HCN1: variants seen among roughly 807,000 people sequenced by gnomAD.
The protein encoded by HCN1 is hyperpolarization activated cyclic nucleotide gated potassium channel 1.
In HCN1, 13 loss-of-function variants were observed where a neutral mutation model predicts 78.9. That is an observed-to-expected ratio of 0.16 (90% CI 0.11 to 0.26). The LOEUF (loss-of-function observed/expected upper bound fraction) is 0.26, where lower values mean the gene tolerates loss of function less well. Ranked by LOEUF, HCN1 falls within the 10% of genes least tolerant of loss-of-function variation. The pLI is 1.00. For synonymous variants in HCN1, 552 were observed against 455.5 expected, an observed-to-expected ratio of 1.21 and a Z score of -2.70; for missense variants, 810 against 1,154.3, an observed-to-expected ratio of 0.70 and a Z score of 4.32.
chr5:45,613,058 G>A (rs537272987), intron 2 of HCN1, among the ~76,000 whole-genome samples: 118 of 151,712 alleles, frequency 7.8e-4, no homozygotes, highest in Non-Finnish European at 1.4e-3. Flanking sequence ...CATTGTGCAG[G>A]TTAGTTACAT....
intron 4 of HCN1, among the ~76,000 whole-genome samples, chr5:45,359,202 A>G (rs1747064179): frequency 6.6e-6 from 1 of 152,020 alleles, no homozygotes; most frequent in Admixed American, 6.6e-5. Flanking sequence ...AATTTTATAC[A>G]CTTCACATTC....
intron 2 of HCN1, among the ~76,000 whole-genome samples, chr5:45,582,472 A>T (rs1318600199): frequency 6.6e-6 from 1 of 152,116 alleles, no homozygotes; most frequent in African/African-American, 2.4e-5. Flanking sequence ...GCAAACAGGG[A>T]CAATTTGACT....
intron 3 of HCN1, among the ~76,000 whole-genome samples, chr5:45,458,896 CT>C (rs1741085425): frequency 6.6e-6 from 1 of 151,998 alleles, no homozygotes; most frequent in Admixed American, 6.6e-5. Context: ...ATGCAGGGTG[CT>C]TTTGTTCTCA....
intron 3 of HCN1, among the ~76,000 whole-genome samples, chr5:45,432,464 T>A (rs1193336444): frequency 6.6e-6 from 1 of 152,130 alleles, no homozygotes; most frequent in Non-Finnish European, 1.5e-5. Context: ...TAGTACTAGA[T>A]TGCTCTAGGA....
intron 2 of HCN1, among the ~76,000 whole-genome samples, chr5:45,508,809 A>C (rs1742356559): frequency 6.6e-6 from 1 of 152,266 alleles, no homozygotes; most frequent in South Asian, 2.1e-4. Flanking sequence ...ATTTAGTTTG[A>C]TAAACTAATA....
At chr5:45,560,344 A>G (rs1195215817) in intron 2 of HCN1, among the ~76,000 whole-genome samples, 2 of 152,068 alleles carry the variant, frequency 1.3e-5, no homozygotes, top group African/African-American at 4.8e-5. Context: ...GAACCAGAGG[A>G]AAGTGATTAA....
At chr5:45,412,089 T>C (rs1174582525) in intron 3 of HCN1, among the ~76,000 whole-genome samples, 1 of 152,076 alleles carries the variant, frequency 6.6e-6, no homozygotes, top group East Asian at 1.9e-4. Flanking sequence ...TTAATAATTA[T>C]CAGCATACAT....
At chr5:45,270,652 G>T (rs1374858426) in intron 6 of HCN1, among the ~76,000 whole-genome samples, 3 of 152,112 alleles carry the variant, frequency 2.0e-5, no homozygotes, top group African/African-American at 7.2e-5. Context: ...TTGGGTCTCT[G>T]TAGAGGGATG....
chr5:45,305,470 A>G (rs1452226122), intron 5 of HCN1, among the ~76,000 whole-genome samples: 1 of 152,174 alleles, frequency 6.6e-6, no homozygotes, highest in East Asian at 1.9e-4. Flanking sequence ...AGCAAAGACA[A>G]GAGAAAGATA....
intron 3 of HCN1, among the ~76,000 whole-genome samples, chr5:45,445,254 G>T (rs926322799): frequency 6.6e-6 from 1 of 152,180 alleles, no homozygotes; most frequent in Non-Finnish European, 1.5e-5. Context: ...GGCTCGGAGG[G>T]TCCTACGCCC....
intron 7 of HCN1, among the ~76,000 whole-genome samples, chr5:45,265,628 A>G (rs1364717439): frequency 6.6e-6 from 1 of 152,214 alleles, no homozygotes; most frequent in African/African-American, 2.4e-5. Context: ...GCAGAAAAAA[A>G]GCCAACATAA....
chr5:45,308,533 C>T (rs1340225892), intron 5 of HCN1, among the ~76,000 whole-genome samples: 2 of 151,948 alleles, frequency 1.3e-5, no homozygotes, highest in Non-Finnish European at 2.9e-5. Context: ...TATCATAGTA[C>T]AGTCTGGGGT....
At chr5:45,526,211 A>G (rs549350380) in intron 2 of HCN1, among the ~76,000 whole-genome samples, 1 of 152,240 alleles carries the variant, frequency 6.6e-6, no homozygotes, top group South Asian at 2.1e-4. Context: ...ACTATAAAAT[A>G]GCAGATTCTA....
At chr5:45,494,357 G>T (rs1216485494) in intron 2 of HCN1, among the ~76,000 whole-genome samples, 1 of 152,182 alleles carries the variant, frequency 6.6e-6, no homozygotes, top group South Asian at 2.1e-4. Context: ...GCCAGTGATG[G>T]TGAGCATTTT....
At chr5:45,584,133 A>G (rs1300051373) in intron 2 of HCN1, among the ~76,000 whole-genome samples, 1 of 152,166 alleles carries the variant, frequency 6.6e-6, no homozygotes, top group African/African-American at 2.4e-5. Flanking sequence ...GTGGGGTGTT[A>G]AAGTCTCCCA....
chr5:45,654,232 C>T (rs528879430), intron 1 of HCN1, among the ~76,000 whole-genome samples: 91 of 152,038 alleles, frequency 6.0e-4, no homozygotes, highest in Non-Finnish European at 1.1e-3. Context: ...GGATACAGAC[C>T]GGAGCAGAAC....
intron 1 of HCN1, among the ~76,000 whole-genome samples, chr5:45,661,211 A>T (rs1440523909): frequency 1.6e-5 from 2 of 123,920 alleles, no homozygotes; most frequent in African/African-American, 3.1e-5. Flanking sequence ...ACTACTGGGT[A>T]CATAACGAAA....
rs1050593551 is a variant in HCN1, at chr5:45,373,095, A to G, written c.1231-19849T>C. Among the ~76,000 whole-genome samples the G allele has an allele frequency of 2.2e-5, 3 of 134,016 alleles. No homozygotes were observed. In the East Asian group the frequency reaches 6.6e-4, roughly 30 times the overall value. The allele number at this position is 134,016 out of a possible 152,430, so 87.9% of individuals were successfully genotyped here. ...AGTATATAATATATAAAAATATAAT[A>G]TATATAAAATACATATAGTATATCA... On this transcript the variant is annotated intron_variant, in intron 4 of 7. Coordinates refer to ENST00000303230, the MANE Select transcript of HCN1 (RefSeq NM_021072.4).
intron 1 of HCN1, among the ~76,000 whole-genome samples, chr5:45,660,111 G>C (rs945203209): frequency 1.7e-5 from 2 of 119,916 alleles, no homozygotes; most frequent in Non-Finnish European, 3.4e-5. Context: ...TCTCTCGGCA[G>C]AAACCCTACA....
Sources: allele counts gnomAD v4.1 joint callset (sites outside exome capture counted in the v4.1 genomes callset), GRCh38; gene constraint gnomAD v4.1.1; transcripts MANE v1.5; gene names NCBI Gene and HGNC (gene_info 2026-07-23, HGNC 2026-07-21).